The following DNAH8 variants were observed in gnomAD, a reference collection of about 807,000 sequenced individuals.
The protein encoded by DNAH8 is dynein axonemal heavy chain 8.
Under a neutral mutation model 562.1 loss-of-function variants are expected in DNAH8, and 382 were observed. The ratio of observed to expected loss-of-function variants is 0.68; its 90% confidence interval spans 0.63 to 0.74. The LOEUF (loss-of-function observed/expected upper bound fraction) is 0.74. Ranked by LOEUF, DNAH8 falls within the 30% of genes least tolerant of loss-of-function variation. The probability of loss-of-function intolerance (pLI) is 0.00; values close to 1 mark genes in which losing one functional copy is unlikely to be tolerated. For missense variants in DNAH8, 5,203 were observed against 5,620.4 expected, an observed-to-expected ratio of 0.93 and a Z score of 2.37; for synonymous variants, 1,881 against 1,919.4, an observed-to-expected ratio of 0.98 and a Z score of 0.52.
chr6:39,027,977 G>T (rs1009716360), intron 92 of DNAH8, among the ~76,000 whole-genome samples: 1 of 151,936 alleles, frequency 6.6e-6, no homozygotes, highest in Non-Finnish European at 1.5e-5. Context: ...TCAAGTAAGG[G>T]GGCTGGACCA....
At chr6:38,799,118 A>T (rs1308549796) in intron 21 of DNAH8, among the ~76,000 whole-genome samples, 1 of 152,200 alleles carries the variant, frequency 6.6e-6, no homozygotes, top group East Asian at 1.9e-4. Flanking sequence ...GGTTGGCAGG[A>T]CATGGAGTGT....
In DNAH8 at chr6:38,857,632, C is replaced by G. The variant is rs774977614; in HGVS notation, c.5848C>G (p.Leu1950Val). Residue 1950 changes from leucine (L) to valine (V), a missense_variant, in exon 42 of 93, where the codon CTA becomes GTA. Leu to Val is a conservative substitution (Grantham distance 32). Coordinates refer to ENST00000327475, the MANE Select transcript of DNAH8 (RefSeq NM_001206927.2). ...GACCAATCAGAAATTTTTGGATATTCTAAATACTCTCATTAGTCAGACAAC... is the reference window on the plus strand; with the variant it reads ...GACCAATCAGAAATTTTTGGATATTGTAAATACTCTCATTAGTCAGACAAC... ...QVTNQKFLDI[L>V]NTLISQTTHD... The G allele has an allele frequency of 1.2e-6, 2 of 1,613,630 alleles. No individual in the cohort carries two copies. Among genetic ancestry groups the G allele is most frequent in the Non-Finnish European group, 1.7e-6 (2 of 1,179,682 alleles).
chr6:38,945,882 G>GTA (rs2150616974), intron 80 of DNAH8, among the ~76,000 whole-genome samples: 1 of 152,236 alleles, frequency 6.6e-6, no homozygotes, highest in East Asian at 1.9e-4. Context: ...CCCTTTTATT[G>GTA]TAGACGACTC....
Position 38,982,436 on chromosome 6 carries a change from C to A in DNAH8, c.12925C>A (p.His4309Asn). The A allele has an allele frequency of 6.4e-7, 1 of 1,573,162 alleles. No homozygotes were observed. The highest frequency in any genetic ancestry group is 8.7e-7 in the Non-Finnish European group (1 of 1,142,950). Residue 4309 changes from histidine (H) to asparagine (N), a missense_variant, in exon 86 of 93, where the codon CAC (histidine) becomes AAC (asparagine). Physicochemically the swap from His to Asn is moderately conservative, Grantham distance 68. Transcript: ENST00000327475. ...FSASVQFIQN[H>N]LDECDIKKGV... is the part of the protein sequence containing the mutation. ...AGCCAGTGTTCAGTTTATTCAGAAT[C>A]ACCTTGATGAATGCGATATTAAGAA...
At chr6:38,807,294 A>G (rs369356926) in intron 23 of DNAH8, among the ~76,000 whole-genome samples, 1 of 152,168 alleles carries the variant, frequency 6.6e-6, no homozygotes, top group Non-Finnish European at 1.5e-5. Context: ...AAGTGCTTCA[A>G]TTTTGTTAGG....
chr6:38,988,038 C>G (rs1764518886), intron 87 of DNAH8, among the ~76,000 whole-genome samples: 1 of 152,206 alleles, frequency 6.6e-6, no homozygotes, highest in African/African-American at 2.4e-5. Flanking sequence ...CCACTTTACC[C>G]TAACCATGTC....
rs986163199 is a variant in DNAH8 at position 38,734,397 on chromosome 6, A to G, written c.611-77A>G. The G allele has an allele frequency of 1.2e-5, 18 of 1,508,946 alleles. No individual in the cohort carries two copies. In the African/African-American group the frequency reaches 2.5e-4, roughly 21 times the overall value. 93.5% of individuals were successfully genotyped at this position (1,508,946 alleles called of 1,614,324 possible). A position where few individuals can be genotyped will look rare whatever the true frequency, so the allele number is the denominator to read the frequency against. On this transcript the variant is annotated intron_variant, in intron 4 of 92. Transcript: ENST00000327475. ...ACAATAAAGTAAAACAGGAAACAAT[A>G]GTGTAAGAGCCACAGTAACTTATCT...
At position 38,960,409 on chromosome 6, in the gene DNAH8, A is replaced by C. The variant is rs1762533227; in HGVS notation, c.12451+8889A>C. Among the ~76,000 whole-genome samples, 3 of 95,560 alleles carry C rather than the reference A, an allele frequency of 3.1e-5. No homozygotes were observed. In the Admixed American group the frequency reaches 4.2e-4, roughly 13 times the overall value. The allele number at this position is 95,560 out of a possible 152,430, so 62.7% of individuals were successfully genotyped here. ...TGCAGAATATATAAGTAACACAAAC[A>C]ACTCAATAGCAAAAAAAAAAAAAAT... On this transcript the variant is annotated intron_variant, in intron 82 of 92. Coordinates refer to ENST00000327475, the MANE Select transcript of DNAH8 (RefSeq NM_001206927.2).
chr6:38,860,169 T>G (rs943660758), intron 42 of DNAH8, among the ~76,000 whole-genome samples: 3 of 152,196 alleles, frequency 2.0e-5, no homozygotes, highest in African/African-American at 7.2e-5. Flanking sequence ...TAGGTCCTCC[T>G]GCTCCATATA....
intron 4 of DNAH8, among the ~76,000 whole-genome samples, chr6:38,731,458 T>G (rs1362874130): frequency 6.6e-6 from 1 of 152,204 alleles, no homozygotes; most frequent in African/African-American, 2.4e-5. Context: ...TTTTATTTCA[T>G]TAGGCTGATA....
chr6:38,877,105 G>A (rs965837472), intron 53 of DNAH8, among the ~76,000 whole-genome samples: 3 of 152,126 alleles, frequency 2.0e-5, no homozygotes, highest in Admixed American at 6.5e-5. Flanking sequence ...CTGAGCAGCC[G>A]GAGTTCTATG....
chr6:38,958,845 A>G (rs1762437033), intron 82 of DNAH8, among the ~76,000 whole-genome samples: 1 of 152,134 alleles, frequency 6.6e-6, no homozygotes, highest in African/African-American at 2.4e-5. Flanking sequence ...AAGAAAGAAA[A>G]CTACATACAG....
At chr6:38,937,860 C>CT (rs773243932) in intron 77 of DNAH8, 114 bp from the exon 78 acceptor site, 13 of 1,286,148 alleles carry the variant, frequency 1.0e-5, no homozygotes, top group Non-Finnish European at 1.3e-5. Flanking sequence ...GTCTTCCTGA[C>CT]TTTGGAGACA....
intron 62 of DNAH8, among the ~76,000 whole-genome samples, chr6:38,906,036 G>C (rs1780443599): frequency 6.6e-6 from 1 of 151,876 alleles, no homozygotes. Context: ...CTCCCAAGTA[G>C]CTGGGATTAT....
Position 38,780,052 on chromosome 6 carries a change from A to G in DNAH8, c.2126A>G (p.Asp709Gly), listed in dbSNP as rs1286815814. The G allele has an allele frequency of 8.1e-6, 13 of 1,613,894 alleles. No homozygotes were observed. Among genetic ancestry groups the G allele is most frequent in the Non-Finnish European group, 1.1e-5 (13 of 1,179,806 alleles). Residue 709 changes from aspartate (D) to glycine (G), a missense_variant, in exon 15 of 93, where the codon GAT becomes GGT. Asp to Gly is a moderately conservative substitution (Grantham distance 94). Coordinates refer to ENST00000327475, the MANE Select transcript of DNAH8 (RefSeq NM_001206927.2). ...RILQYYVAEL[D>G]ATKKLYHSQK... Reference sequence around the variant, plus strand: ...CTTCAGTACTATGTGGCTGAACTTGATGCTACTAAGAAGGCAAGTGTCATG... The same window carrying G: ...CTTCAGTACTATGTGGCTGAACTTGGTGCTACTAAGAAGGCAAGTGTCATG...
At chr6:38,962,224 C>A (rs1269741968) in intron 82 of DNAH8, among the ~76,000 whole-genome samples, 3 of 151,952 alleles carry the variant, frequency 2.0e-5, no homozygotes, top group Admixed American at 1.3e-4. Context: ...CTAAATTAAT[C>A]TATAAATTGA....
chr6:38,917,773 G>C (rs1294937708), intron 69 of DNAH8, 152 bp from the exon 70 acceptor site: 1 of 597,136 alleles, frequency 1.7e-6, no homozygotes, highest in Non-Finnish European at 2.8e-6. Flanking sequence ...GTGATTTACA[G>C]ATTTAGGTTG....
intron 53 of DNAH8, among the ~76,000 whole-genome samples, chr6:38,881,548 TG>T (rs1354704979): frequency 4.4e-5 from 5 of 114,476 alleles, no homozygotes; most frequent in African/African-American, 1.1e-4. Context: ...TTGAAATCAA[TG>T]TTTTTTTTTT....
At chr6:38,934,564 G>A (rs564724316) in intron 76 of DNAH8, among the ~76,000 whole-genome samples, 1 of 152,210 alleles carries the variant, frequency 6.6e-6, no homozygotes, top group Admixed American at 6.5e-5. Context: ...TTCTTTTAAC[G>A]TAATTCTAAG....
Sources: allele counts gnomAD v4.1 joint callset (sites outside exome capture counted in the v4.1 genomes callset), GRCh38; gene constraint gnomAD v4.1.1; transcripts MANE v1.5; gene names NCBI Gene and HGNC (gene_info 2026-07-23, HGNC 2026-07-21).